Variants in ESYT2 observed in about 807,000 individuals in gnomAD.
ESYT2 encodes extended synaptotagmin 2, also known as extended synaptotagmin-2.
A neutral mutation model predicts 107.2 loss-of-function variants in ESYT2; 54 were observed. The ratio of observed to expected loss-of-function variants is 0.50; its 90% confidence interval spans 0.40 to 0.63. ESYT2 has a LOEUF of 0.63. Among genes scored for constraint, ESYT2 ranks in the 30% least tolerant of loss-of-function variants. ESYT2 has a pLI of 0.00. For missense variants in ESYT2, 1,020 were observed against 1,094.5 expected (o/e 0.93, Z 0.96); for synonymous variants, 491 against 434.1 (o/e 1.13, Z -1.63).
chr7:158,764,398 T>C (rs1472807547), intron 9 of ESYT2, among the ~76,000 whole-genome samples: 3 of 152,222 alleles, frequency 2.0e-5, no homozygotes, highest in African/African-American at 7.2e-5. Flanking sequence ...TACTTAGAAA[T>C]ACAAGCTACT....
chr7:158,756,765 C>A (rs758193414), intron 13 of ESYT2, among the ~76,000 whole-genome samples: 2 of 151,762 alleles, frequency 1.3e-5, no homozygotes, highest in South Asian at 2.1e-4. Flanking sequence ...AAAAATTAGC[C>A]AGGCGTCGTG....
intron 1 of ESYT2, among the ~76,000 whole-genome samples, chr7:158,800,069 T>TA (rs398112087): frequency 2.6e-5 from 4 of 151,788 alleles, no homozygotes; most frequent in Admixed American, 2.6e-4. Context: ...TTTTTTTTTT[T>TA]GAGACAGAGT....
intron 20 of ESYT2, among the ~76,000 whole-genome samples, chr7:158,736,078 C>T (rs1170566897): frequency 2.0e-5 from 3 of 152,232 alleles, no homozygotes; most frequent in Non-Finnish European, 2.9e-5. Context: ...AAAGCACTCC[C>T]GATGCTCAGC....
chr7:158,775,398 C>A (rs984504444), intron 6 of ESYT2, among the ~76,000 whole-genome samples: 1 of 152,048 alleles, frequency 6.6e-6, no homozygotes, highest in Non-Finnish European at 1.5e-5. Flanking sequence ...TGTTTGATAG[C>A]ATTTTACCCA....
chr7:158,759,419 A>G (rs1337039588), intron 13 of ESYT2, 67 bp downstream of exon 13: 1 of 1,242,788 alleles, frequency 8.0e-7, no homozygotes, highest in African/African-American at 1.5e-5. Context: ...TGCACAAAGC[A>G]GTGGTTATAA....
chr7:158,754,892 A>G (rs1837699594), intron 13 of ESYT2, among the ~76,000 whole-genome samples: 1 of 152,106 alleles, frequency 6.6e-6, no homozygotes, highest in Non-Finnish European at 1.5e-5. Flanking sequence ...CTGGAGATTA[A>G]ACAAGTAGCA....
rs754129253 is a variant in ESYT2, at chr7:158,739,030, C to T, written c.2260G>A (p.Ala754Thr). The change falls in exon 19 of 23, where the codon GCC (alanine) becomes ACC (threonine). Residue 754 changes from alanine (A) to threonine (T), a missense_variant. Coordinates refer to ENST00000275418, the MANE Select transcript of ESYT2 (RefSeq NM_001367773.1). Reference sequence around the variant, plus strand: ...TGGGACCCCAGCCCCCACCTGCAGGCATGCACGACCACGATAAGCTTGTTT... The same window carrying T: ...TGGGACCCCAGCCCCCACCTGCAGGTATGCACGACCACGATAAGCTTGTTT... ...QRNKLIVVVHACRNLIAFSED... is the reference protein window; with the variant it reads ...QRNKLIVVVHTCRNLIAFSED... 4.3e-6 allele frequency: 7 copies of T among 1,613,916 alleles called. No individual in the cohort carries two copies. The Admixed American group carries it at 5.0e-5, about 12-fold the overall frequency.
In ESYT2 at chr7:158,781,239, ATGAG is replaced by A. The variant is rs200798943; in HGVS notation, c.747+6761_747+6764del. On this transcript the variant is annotated intron_variant, in intron 6 of 22. Coordinates refer to ENST00000275418, the MANE Select transcript of ESYT2 (RefSeq NM_001367773.1). ...AGAACAGTGTGAGGTGTGTGTAAGA[ATGAG>A]TGAGAACCAGTGTGAGTGAACAAGT... 4.9e-3 allele frequency among the ~76,000 whole-genome samples: 739 copies of A among 152,198 alleles called. 46 individuals carry two copies. In the East Asian group the frequency reaches 0.12, roughly 24 times the overall value.
intron 1 of ESYT2, among the ~76,000 whole-genome samples, chr7:158,814,172 G>C (rs1392074447): frequency 6.6e-6 from 1 of 151,542 alleles, no homozygotes; most frequent in African/African-American, 2.4e-5. Flanking sequence ...TACTCGGAAG[G>C]CTGAGGCAGG....
At position 158,741,512 on chromosome 7, in the gene ESYT2, C is replaced by A; in HGVS notation, c.2168+11G>T. The stretch of plus-strand genomic sequence containing the variant: ...CTGCTGGTGAGAAACAACATGGTGG[C>A]ACTTAGTTACTTTTCCAGCTGCCTC... On this transcript the variant is annotated intron_variant, in intron 18 of 22. Coordinates refer to ENST00000275418, the MANE Select transcript of ESYT2 (RefSeq NM_001367773.1). 6.4e-7 allele frequency: 1 copy of A among 1,557,110 alleles called. No homozygotes were observed.
intron 1 of ESYT2, among the ~76,000 whole-genome samples, chr7:158,822,318 A>G (rs2129474316): frequency 6.6e-6 from 1 of 152,374 alleles, no homozygotes; most frequent in Non-Finnish European, 1.5e-5. Context: ...TGATGATTAT[A>G]TACTGATACC....
rs938994102 is a variant in ESYT2 at position 158,751,535 on chromosome 7, A to G, written c.1482+1246T>C. The stretch of plus-strand genomic sequence containing the variant: ...TTATTGAGACCTAAATATTGCATCT[A>G]TCTGAACCTCAGTTTGCATGTTTAC... On this transcript the variant is annotated intron_variant, in intron 14 of 22. Transcript: ENST00000275418. Among the ~76,000 whole-genome samples the G allele has an allele frequency of 2.0e-5, 3 of 152,338 alleles. No homozygotes were observed. The East Asian group carries it at 5.8e-4, about 29-fold the overall frequency.
At position 158,788,070 on chromosome 7, in the gene ESYT2, G is replaced by T. The variant is rs1226931958; in HGVS notation, c.681C>A (p.Ile227=). The T allele has an allele frequency of 6.2e-7, 1 of 1,613,962 alleles. No individual in the cohort carries two copies. Among genetic ancestry groups the T allele is most frequent in the Non-Finnish European group, 8.5e-7 (1 of 1,179,982 alleles). The change falls in exon 6 of 23, where the codon ATC becomes ATA. Residue 227 remains isoleucine (I), a synonymous_variant. Coordinates refer to ENST00000275418, the MANE Select transcript of ESYT2 (RefSeq NM_001367773.1). ...SIQIHGTMRV[I]LEPLIGDMPL... ...GCATATCTCCAATCAACGGTTCCAG[G>T]ATCACCCGCATGGTACCATGAATCT...
chr7:158,785,124 G>GAT (rs1839063029), intron 6 of ESYT2, among the ~76,000 whole-genome samples: 1 of 152,228 alleles, frequency 6.6e-6, no homozygotes, highest in East Asian at 1.9e-4. Context: ...TCTCCTTACT[G>GAT]ATAATTCACC....
chr7:158,782,938 G>A (rs1838967403), intron 6 of ESYT2, among the ~76,000 whole-genome samples: 1 of 152,214 alleles, frequency 6.6e-6, no homozygotes, highest in Non-Finnish European at 1.5e-5. Flanking sequence ...CCACATGAGG[G>A]CACCGTGGAG....
chr7:158,757,485 A>G (rs1837799864), intron 13 of ESYT2, among the ~76,000 whole-genome samples: 1 of 152,220 alleles, frequency 6.6e-6, no homozygotes, highest in Admixed American at 6.5e-5. Context: ...ATTGTGGTCA[A>G]TGAGAGCACC....
chr7:158,763,458 C>T (rs1388370341), intron 9 of ESYT2, among the ~76,000 whole-genome samples: 1 of 152,058 alleles, frequency 6.6e-6, no homozygotes, highest in Non-Finnish European at 1.5e-5. Flanking sequence ...CCATGCCCGG[C>T]TAATTTCTGT....
chr7:158,741,027 C>A (rs1837178722), intron 18 of ESYT2, among the ~76,000 whole-genome samples: 1 of 152,148 alleles, frequency 6.6e-6, no homozygotes, highest in Admixed American at 6.5e-5. Context: ...TTAACACACA[C>A]CTATGAGTCA....
At chr7:158,760,260 G>A in intron 11 of ESYT2, 113 bp from the exon 12 acceptor site, 1 of 896,746 alleles carries the variant, frequency 1.1e-6, no homozygotes. Context: ...GGCATCAACA[G>A]TTCTCAGTAA....
Sources: allele counts gnomAD v4.1 joint callset (sites outside exome capture counted in the v4.1 genomes callset), GRCh38; gene constraint gnomAD v4.1.1; transcripts MANE v1.5; gene names NCBI Gene and HGNC (gene_info 2026-07-23, HGNC 2026-07-21).